Variants in CD244 observed in about 807,000 individuals in gnomAD.
CD244 encodes CD244 molecule.
In CD244, 20 loss-of-function variants were observed where a neutral mutation model predicts 45.5. The observed-to-expected ratio is 0.44, with a 90% CI of 0.31 to 0.64. The LOEUF (loss-of-function observed/expected upper bound fraction) is 0.64. Ranked by LOEUF, CD244 falls within the 30% of genes least tolerant of loss-of-function variation. CD244 has a pLI of 0.08. For missense variants in CD244, 407 were observed against 426.9 expected (o/e 0.95, Z 0.41); for synonymous variants, 185 against 160.5 (o/e 1.15, Z -1.15).
intron 1 of CD244, among the ~76,000 whole-genome samples, chr1:160,855,422 C>G (rs1020871132): frequency 6.6e-6 from 1 of 152,092 alleles, no homozygotes; most frequent in Admixed American, 6.5e-5. Context: ...CATGGACGGC[C>G]TGGAAGGGGT....
At chr1:160,836,304 C>CAGATTT in intron 5 of CD244, 50 bp from the exon 6 acceptor site, 1 of 1,457,302 alleles carries the variant, frequency 6.9e-7, no homozygotes, top group South Asian at 1.2e-5. Context: ...TCGGTCTGTC[C>CAGATTT]AGATTTAGAT....
intron 1 of CD244, 36 bp from the exon 2 acceptor site, chr1:160,841,937 G>T: frequency 6.3e-7 from 1 of 1,589,738 alleles, no homozygotes; most frequent in Non-Finnish European, 8.6e-7. Flanking sequence ...GTAGCGGGAA[G>T]AGTGTCAGGC....
intron 1 of CD244, among the ~76,000 whole-genome samples, chr1:160,861,339 A>ACT (rs1670295581): frequency 6.6e-6 from 1 of 152,190 alleles, no homozygotes; most frequent in Non-Finnish European, 1.5e-5. Context: ...GTCTTCCTGA[A>ACT]GGACACAAGA....
intron 6 of CD244, among the ~76,000 whole-genome samples, chr1:160,835,028 G>A (rs1028501855): frequency 4.6e-5 from 7 of 152,122 alleles, no homozygotes; most frequent in Admixed American, 3.9e-4. Flanking sequence ...GATATCAACC[G>A]CTCTTATAAT....
intron 1 of CD244, among the ~76,000 whole-genome samples, chr1:160,853,409 G>T (rs998858336): frequency 2.0e-5 from 3 of 152,164 alleles, no homozygotes; most frequent in Non-Finnish European, 4.4e-5. Flanking sequence ...ATGACTGGGT[G>T]CTAGAAATGT....
intron 1 of CD244, among the ~76,000 whole-genome samples, chr1:160,860,147 G>T (rs1290638438): frequency 6.6e-6 from 1 of 152,106 alleles, no homozygotes; most frequent in Non-Finnish European, 1.5e-5. Context: ...AGCAGAAGTT[G>T]CAGTGAGCCG....
At position 160,840,724 on chromosome 1, in the gene CD244, T is replaced by A. The variant is rs193097957; in HGVS notation, c.655+486A>T. Among the ~76,000 whole-genome samples, 4 of 152,320 alleles carry A rather than the reference T, an allele frequency of 2.6e-5. No individual in the cohort carries two copies. The East Asian group carries it at 7.7e-4, about 29-fold the overall frequency. ...TAATAAAAAGTTGTGGAACGGTAAC[T>A]CAGGTAACTCTTAGGATGAGCATAA... On this transcript the variant is annotated intron_variant, in intron 3 of 8. Transcript: ENST00000368034.
At chr1:160,861,051 C>G (rs1436055837) in intron 1 of CD244, among the ~76,000 whole-genome samples, 2 of 152,200 alleles carry the variant, frequency 1.3e-5, no homozygotes, top group Non-Finnish European at 2.9e-5. Context: ...AGGCTCATGA[C>G]CTCAGGGTCA....
intron 1 of CD244, among the ~76,000 whole-genome samples, chr1:160,852,672 AC>A (rs1669958454): frequency 6.6e-6 from 1 of 152,246 alleles, no homozygotes; most frequent in African/African-American, 2.4e-5. Flanking sequence ...AAACTATTTT[AC>A]GGTATCTTCT....
At chr1:160,841,164 G>T (rs1392307128) in intron 3 of CD244, 46 bp downstream of exon 3, 6 of 1,586,364 alleles carry the variant, frequency 3.8e-6, no homozygotes, top group Non-Finnish European at 5.2e-6. Context: ...CTGGTTGCGG[G>T]GTCCAAACCT....
intron 5 of CD244, among the ~76,000 whole-genome samples, chr1:160,836,859 G>C (rs1557832383): frequency 1.3e-5 from 2 of 152,132 alleles, no homozygotes; most frequent in Non-Finnish European, 2.9e-5. Flanking sequence ...GGTTCTACTG[G>C]GAGCCAGTGG....
At chr1:160,852,318 G>A (rs1207214692) in intron 1 of CD244, among the ~76,000 whole-genome samples, 1 of 152,184 alleles carries the variant, frequency 6.6e-6, no homozygotes, top group African/African-American at 2.4e-5. Flanking sequence ...GGGAGGCCGA[G>A]GCGGGTGGAT....
intron 8 of CD244, 111 bp downstream of exon 8, chr1:160,832,408 C>A: frequency 1.4e-6 from 1 of 710,756 alleles, no homozygotes; most frequent in South Asian, 1.9e-5. Flanking sequence ...TCTAAATTCC[C>A]TACAACTCTG....
intron 7 of CD244, among the ~76,000 whole-genome samples, chr1:160,833,641 T>C (rs73021903): frequency 0.042 from 6,368 of 152,274 alleles, 481 homozygotes; most frequent in African/African-American, 0.15. Context: ...ATTGTGTCTC[T>C]CTAGATCCAG....
At chr1:160,845,984 C>T (rs1172513090) in intron 1 of CD244, among the ~76,000 whole-genome samples, 1 of 151,852 alleles carries the variant, frequency 6.6e-6, no homozygotes, top group African/African-American at 2.4e-5. Context: ...AAACTAAATT[C>T]CCTTCACAAA....
chr1:160,842,463 C>T (rs912005297), intron 1 of CD244, among the ~76,000 whole-genome samples: 4 of 151,992 alleles, frequency 2.6e-5, no homozygotes, highest in African/African-American at 9.7e-5. Context: ...AATTCTTAAC[C>T]ATGATGCTAT....
At chr1:160,861,518 G>A (rs1670303262) in intron 1 of CD244, among the ~76,000 whole-genome samples, 1 of 152,054 alleles carries the variant, frequency 6.6e-6, no homozygotes, top group South Asian at 2.1e-4. Flanking sequence ...TGAAGCCCCT[G>A]CAGAGTCACT....
chr1:160,832,724 G>C (rs1002488134), intron 7 of CD244, 149 bp from the exon 8 acceptor site: 20 of 1,513,508 alleles, frequency 1.3e-5, no homozygotes, highest in East Asian at 2.5e-5. Context: ...GTCACCCTAG[G>C]AGCAAAACAA....
intron 5 of CD244, among the ~76,000 whole-genome samples, chr1:160,836,753 G>C (rs182242868): frequency 1.3e-3 from 198 of 152,292 alleles, no homozygotes; most frequent in Non-Finnish European, 1.7e-3. Flanking sequence ...GCAGGAAGCA[G>C]AGCTTCCTGC....
Sources: allele counts gnomAD v4.1 joint callset (sites outside exome capture counted in the v4.1 genomes callset), GRCh38; gene constraint gnomAD v4.1.1; transcripts MANE v1.5; gene names NCBI Gene and HGNC (gene_info 2026-07-23, HGNC 2026-07-21).